MYO1E: variants seen among roughly 807,000 people sequenced by gnomAD.
MYO1E encodes myosin IE.
MYO1E carries 68 observed loss-of-function variants against 151.1 expected under a neutral mutation model. That is an observed-to-expected ratio of 0.45 (90% CI 0.37 to 0.55). The LOEUF is 0.55. Ranked by LOEUF, MYO1E falls within the 20% of genes least tolerant of loss-of-function variation. MYO1E has a pLI of 0.00. For missense variants in MYO1E, 1,363 were observed against 1,389.3 expected (o/e 0.98, Z 0.30); for synonymous variants, 601 against 501.7 (o/e 1.20, Z -2.64).
intron 14 of MYO1E, chr15:59,206,843 A>G (rs367766957): frequency 7.9e-6 from 10 of 1,267,062 alleles, no homozygotes; most frequent in East Asian, 7.5e-5. Context: ...CACCTGCCGT[A>G]GAGTGCTGAA....
chr15:59,340,028 G>A (rs1237695556), intron 1 of MYO1E, among the ~76,000 whole-genome samples: 1 of 151,836 alleles, frequency 6.6e-6, no homozygotes, highest in Non-Finnish European at 1.5e-5. Context: ...TTTTGTTGTT[G>A]TATTTTTAGT....
intron 18 of MYO1E, among the ~76,000 whole-genome samples, chr15:59,179,899 C>T (rs1423560302): frequency 6.6e-6 from 1 of 152,190 alleles, no homozygotes; most frequent in Non-Finnish European, 1.5e-5. Context: ...AGGGCGTGGC[C>T]CACGTGAGAG....
chr15:59,145,282 C>T (rs935606803), intron 26 of MYO1E, among the ~76,000 whole-genome samples: 1 of 152,190 alleles, frequency 6.6e-6, no homozygotes, highest in Non-Finnish European at 1.5e-5. Context: ...ACATGAGACC[C>T]GCATGCCCAC....
In MYO1E at chr15:59,217,519, C is replaced by CTTTTTTTTT. The variant is rs1164320277; in HGVS notation, c.1107+363_1107+371dup. 4.8e-3 allele frequency among the ~76,000 whole-genome samples: 253 copies of CTTTTTTTTT among 53,152 alleles called. 26 individuals are homozygous for CTTTTTTTTT. The highest frequency in any genetic ancestry group is 0.017 in the East Asian group (23 of 1,348). 34.9% of individuals were successfully genotyped at this position (53,152 alleles called of 152,430 possible). On this transcript the variant is annotated intron_variant, in intron 10 of 27. Coordinates refer to ENST00000288235, the MANE Select transcript of MYO1E (RefSeq NM_004998.4). ...AACACAAAACCCTCAGTCGTTTTAC[C>CTTTTTTTTT]TTTTTTTTTTTTTTTTTTTTTTGGG...
intron 7 of MYO1E, among the ~76,000 whole-genome samples, chr15:59,225,413 C>T (rs1419032013): frequency 6.6e-6 from 1 of 152,166 alleles, no homozygotes; most frequent in Non-Finnish European, 1.5e-5. Flanking sequence ...TCCCTTTTGC[C>T]CAAGAGCTCT....
At chr15:59,326,272 C>A (rs553158718) in intron 1 of MYO1E, among the ~76,000 whole-genome samples, 341 of 152,154 alleles carry the variant, frequency 2.2e-3, no homozygotes, top group African/African-American at 7.9e-3. Context: ...GTAATTCCAG[C>A]ACTTTGGGAG....
intron 1 of MYO1E, among the ~76,000 whole-genome samples, chr15:59,285,350 CTT>C (rs368001329): frequency 2.3e-3 from 171 of 74,066 alleles, no homozygotes; most frequent in African/African-American, 8.3e-3. Flanking sequence ...GACACTGTCT[CTT>C]TTTTTTTTTT....
chr15:59,337,745 T>A (rs935632920), intron 1 of MYO1E, among the ~76,000 whole-genome samples: 1 of 152,120 alleles, frequency 6.6e-6, no homozygotes, highest in Non-Finnish European at 1.5e-5. Context: ...GGCAGGAGAA[T>A]CGCTTGAACC....
intron 15 of MYO1E, among the ~76,000 whole-genome samples, chr15:59,204,140 G>C (rs974737898): frequency 3.3e-5 from 5 of 152,136 alleles, no homozygotes; most frequent in African/African-American, 1.2e-4. Context: ...CCACAAGCCA[G>C]GACTTGTGGC....
At chr15:59,293,453 G>C (rs2080431371) in intron 1 of MYO1E, among the ~76,000 whole-genome samples, 2 of 151,900 alleles carry the variant, frequency 1.3e-5, no homozygotes, top group South Asian at 4.2e-4. Flanking sequence ...GACCAAGGCA[G>C]GAGAATCGCT....
At chr15:59,289,673 G>A (rs2080407691) in intron 1 of MYO1E, among the ~76,000 whole-genome samples, 1 of 152,186 alleles carries the variant, frequency 6.6e-6, no homozygotes, top group African/African-American at 2.4e-5. Flanking sequence ...GAGGGGCAAT[G>A]CCAGCAGAAA....
chr15:59,236,712 T>G, intron 4 of MYO1E, 40 bp from the exon 5 acceptor site: 1 of 1,516,558 alleles, frequency 6.6e-7, no homozygotes, highest in Non-Finnish European at 9.2e-7. Context: ...GAGAAGTGGA[T>G]TGCGACCAGC....
chr15:59,297,437 A>ATTTTTTTTTTTTTTTTTTTTT (rs755470049), intron 1 of MYO1E, among the ~76,000 whole-genome samples: 2 of 63,488 alleles, frequency 3.2e-5, no homozygotes, highest in African/African-American at 8.1e-5. Flanking sequence ...CACCCAGCTA[A>ATTTTTTTTTTTTTTTTTTTTT]TTTTTTTTTT....
chr15:59,188,466 C>T (rs1042131492), intron 17 of MYO1E, among the ~76,000 whole-genome samples: 4 of 152,014 alleles, frequency 2.6e-5, no homozygotes, highest in East Asian at 1.9e-4. Flanking sequence ...GAGGGTGAGG[C>T]GGGTAGATCA....
At chr15:59,303,961 T>C (rs1333454131) in intron 1 of MYO1E, among the ~76,000 whole-genome samples, 1 of 151,760 alleles carries the variant, frequency 6.6e-6, no homozygotes, top group Non-Finnish European at 1.5e-5. Flanking sequence ...CAGGCGTCTC[T>C]ATTTTCATTT....
intron 26 of MYO1E, among the ~76,000 whole-genome samples, chr15:59,149,909 A>G (rs982534999): frequency 2.6e-5 from 4 of 152,224 alleles, no homozygotes; most frequent in Non-Finnish European, 4.4e-5. Context: ...AATTCCCTGC[A>G]TGCTTCAACA....
chr15:59,336,025 T>C (rs1282152025), intron 1 of MYO1E, among the ~76,000 whole-genome samples: 1 of 146,094 alleles, frequency 6.8e-6, no homozygotes, highest in Non-Finnish European at 1.5e-5. Flanking sequence ...ACACCCAAAA[T>C]ATTAACACAA....
chr15:59,256,870 T>C (rs535771983), intron 3 of MYO1E, among the ~76,000 whole-genome samples: 1 of 152,286 alleles, frequency 6.6e-6, no homozygotes, highest in African/African-American at 2.4e-5. Context: ...CAGAGGGAAT[T>C]AGGTGAGATT....
At chr15:59,332,521 C>A (rs750382585) in intron 1 of MYO1E, among the ~76,000 whole-genome samples, 14 of 152,168 alleles carry the variant, frequency 9.2e-5, no homozygotes, top group Non-Finnish European at 1.6e-4. Flanking sequence ...AGATTACTAA[C>A]CTGACAGCAG....
Sources: allele counts gnomAD v4.1 joint callset (sites outside exome capture counted in the v4.1 genomes callset), GRCh38; gene constraint gnomAD v4.1.1; transcripts MANE v1.5; gene names NCBI Gene and HGNC (gene_info 2026-07-23, HGNC 2026-07-21).